Variants in PCDH15 observed in about 807,000 individuals in gnomAD.
The protein encoded by PCDH15 is protocadherin related 15, also known as protocadherin-15.
In PCDH15, 129 loss-of-function variants were observed where a neutral mutation model predicts 178.5. The ratio of observed to expected loss-of-function variants is 0.72; its 90% confidence interval spans 0.63 to 0.84. The LOEUF is 0.84. PCDH15 is among the 40% of genes least tolerant of loss of function. PCDH15 has a pLI of 0.00. For missense variants in PCDH15, 2,230 were observed against 2,099.9 expected (o/e 1.06, Z -1.21); for synonymous variants, 800 against 732.0 (o/e 1.09, Z -1.50).
At chr10:54,465,678 T>C (rs1357727836) in intron 3 of PCDH15, among the ~76,000 whole-genome samples, 1 of 152,088 alleles carries the variant, frequency 6.6e-6, no homozygotes, top group Non-Finnish European at 1.5e-5. Flanking sequence ...ATCTCTGTTA[T>C]TGTGAATAGT....
chr10:53,945,265 G>A (rs1202822308), intron 23 of PCDH15, among the ~76,000 whole-genome samples: 1 of 152,188 alleles, frequency 6.6e-6, no homozygotes, highest in East Asian at 1.9e-4. Context: ...AAGTTCAATG[G>A]TCTCAGAATT....
In PCDH15 at chr10:54,655,316, C is replaced by CAGAGAAAG. The variant is rs202145254; in HGVS notation, c.91+8848_91+8855dup. ...AGAGAGAGAGAGACAGAGAGAGAGA[C>CAGAGAAAG]AGAGAAAGAGAGAAAGAGAGAAAGA... On this transcript the variant is annotated intron_variant, in intron 2 of 37. Coordinates refer to ENST00000644397, the MANE Select transcript of PCDH15 (RefSeq NM_001384140.1). Among the ~76,000 whole-genome samples the CAGAGAAAG allele has an allele frequency of 3.4e-3, 267 of 79,244 alleles. 7 individuals are homozygous for CAGAGAAAG. In the East Asian group the frequency reaches 0.096, roughly 28 times the overall value. 52.0% of individuals were successfully genotyped at this position (79,244 alleles called of 152,430 possible).
chr10:54,074,246 G>C (rs2094299183), intron 17 of PCDH15, among the ~76,000 whole-genome samples: 1 of 152,078 alleles, frequency 6.6e-6, no homozygotes, highest in Admixed American at 6.6e-5. Context: ...GTGGTATTAA[G>C]TATATTCATA....
chr10:55,188,057 G>A (rs563083507), intron 1 of PCDH15, among the ~76,000 whole-genome samples: 8 of 151,986 alleles, frequency 5.3e-5, no homozygotes, highest in African/African-American at 1.9e-4. Flanking sequence ...AAAATTTACA[G>A]GACTTGGGCT....
At chr10:54,461,160 C>G (rs1282295101) in intron 3 of PCDH15, among the ~76,000 whole-genome samples, 2 of 152,004 alleles carry the variant, frequency 1.3e-5, no homozygotes, top group African/African-American at 4.8e-5. Context: ...TGTTCATAAA[C>G]TTTCTCTTAA....
chr10:54,821,003 T>A (rs1159055036), intron 3 of PCDH15, among the ~76,000 whole-genome samples: 2 of 152,044 alleles, frequency 1.3e-5, no homozygotes, highest in African/African-American at 4.8e-5. Flanking sequence ...ACACACATGA[T>A]GGATACAGTA....
At chr10:53,839,977 C>T (rs1480508125) in intron 29 of PCDH15, among the ~76,000 whole-genome samples, 2 of 152,152 alleles carry the variant, frequency 1.3e-5, no homozygotes, top group African/African-American at 4.8e-5. Flanking sequence ...AGAAAAACTG[C>T]CTCTTTAAGA....
intron 35 of PCDH15, among the ~76,000 whole-genome samples, chr10:53,813,279 C>T (rs1419895686): frequency 2.0e-5 from 3 of 152,128 alleles, no homozygotes; most frequent in Admixed American, 6.5e-5. Context: ...AAACTCCATT[C>T]ACTTACATTA....
rs531733552 is a variant in PCDH15 at position 54,189,919 on chromosome 10, A to ATGTGTGTGTGTG, written c.1306-4652_1306-4651insCACACACACACA. ...ATATGGTTCATATATGTATACATGC[A>ATGTGTGTGTGTG]TGTGTATGTGTGTGTGTGTGTGTGT... On this transcript the variant is annotated intron_variant, in intron 11 of 37. Coordinates refer to ENST00000644397, the MANE Select transcript of PCDH15 (RefSeq NM_001384140.1). 2.9e-3 allele frequency among the ~76,000 whole-genome samples: 311 copies of ATGTGTGTGTGTG among 108,808 alleles called. 4 individuals carry two copies. The highest frequency in any genetic ancestry group is 0.01 in the Middle Eastern group (2 of 198). The allele number at this position is 108,808 out of a possible 152,430, so 71.4% of individuals were successfully genotyped here. A position where few individuals can be genotyped will look rare whatever the true frequency, so the allele number is the denominator to read the frequency against.
At chr10:54,899,583 G>A (rs900374711) in intron 2 of PCDH15, among the ~76,000 whole-genome samples, 2 of 147,488 alleles carry the variant, frequency 1.4e-5, no homozygotes, top group Admixed American at 7.0e-5. Context: ...TGTAACCCCC[G>A]CCTCCCGGGT....
chr10:54,831,398 G>A (rs952349541), intron 3 of PCDH15, among the ~76,000 whole-genome samples: 1 of 152,058 alleles, frequency 6.6e-6, no homozygotes. Context: ...GGTAATTAAA[G>A]TAAGGTATAG....
At chr10:54,081,014 A>T (rs2094430284) in intron 16 of PCDH15, among the ~76,000 whole-genome samples, 1 of 152,208 alleles carries the variant, frequency 6.6e-6, no homozygotes, top group Non-Finnish European at 1.5e-5. Flanking sequence ...TTCTTCCCTC[A>T]GTTAATTATC....
At chr10:53,870,459 A>C (rs1402035928) in intron 26 of PCDH15, among the ~76,000 whole-genome samples, 1 of 152,194 alleles carries the variant, frequency 6.6e-6, no homozygotes, top group Admixed American at 6.5e-5. Flanking sequence ...TCTAATTTTT[A>C]TTTCTTTGAA....
At chr10:55,312,580 T>C (rs1843612257) in intron 1 of PCDH15, among the ~76,000 whole-genome samples, 1 of 152,020 alleles carries the variant, frequency 6.6e-6, no homozygotes, top group African/African-American at 2.4e-5. Context: ...AATATGAGCA[T>C]GGATTCTTTA....
At chr10:54,165,078 C>T (rs958710971) in intron 13 of PCDH15, among the ~76,000 whole-genome samples, 1 of 152,096 alleles carries the variant, frequency 6.6e-6, no homozygotes, top group Non-Finnish European at 1.5e-5. Flanking sequence ...CAATAACATT[C>T]AGGAAGTTCT....
intron 3 of PCDH15, among the ~76,000 whole-genome samples, chr10:54,408,873 C>T (rs1394182388): frequency 2.0e-5 from 3 of 152,092 alleles, no homozygotes; most frequent in African/African-American, 4.8e-5. Context: ...TGGAACCAGG[C>T]ATCTGGATCA....
intron 2 of PCDH15, among the ~76,000 whole-genome samples, chr10:55,024,784 C>T (rs951663885): frequency 1.3e-5 from 2 of 152,138 alleles, no homozygotes; most frequent in Non-Finnish European, 2.9e-5. Flanking sequence ...GTGTGATCCC[C>T]TCCTGCCATT....
In PCDH15 at chr10:54,098,762, C is replaced by T. The variant is rs1019419194; in HGVS notation, c.1918-8699G>A. On this transcript the variant is annotated intron_variant, in intron 15 of 37. Coordinates refer to ENST00000644397, the MANE Select transcript of PCDH15 (RefSeq NM_001384140.1). ...TAGCCCTCTTTTACTACTACTTATT[C>T]GTGGCTATTGATACTTAGAATCTAA... Among the ~76,000 whole-genome samples the T allele has an allele frequency of 2.6e-5, 4 of 152,086 alleles. No homozygotes were observed. The East Asian group carries it at 5.8e-4, about 22-fold the overall frequency.
At chr10:55,382,839 T>C (rs970808545) in intron 2 of PCDH15, among the ~76,000 whole-genome samples, 1 of 152,170 alleles carries the variant, frequency 6.6e-6, no homozygotes, top group African/African-American at 2.4e-5. Context: ...ATCAAACCCC[T>C]TGTGGGAGGA....
Sources: gnomAD v4.1 joint callset for allele counts (sites outside exome capture counted in the v4.1 genomes callset) on GRCh38, gnomAD v4.1.1 for gene constraint, MANE v1.5 for transcripts, NCBI Gene and HGNC (gene_info 2026-07-23, HGNC 2026-07-21) for gene names.